Variants in KCTD16 observed in about 807,000 individuals in gnomAD.
KCTD16 encodes the protein BTB/POZ domain-containing protein KCTD16.
KCTD16 carries 13 observed loss-of-function variants against 33.2 expected under a neutral mutation model. That is an observed-to-expected ratio of 0.39 (90% CI 0.25 to 0.62). The LOEUF is 0.62. Ranked by LOEUF, KCTD16 falls within the 20% of genes least tolerant of loss-of-function variation. The pLI is 0.50. For missense variants in KCTD16, 441 were observed against 525.1 expected (o/e 0.84, Z 1.57); for synonymous variants, 197 against 195.3 (o/e 1.01, Z -0.07).
chr5:144,319,606 T>C (rs1424829400), intron 3 of KCTD16, among the ~76,000 whole-genome samples: 1 of 152,228 alleles, frequency 6.6e-6, no homozygotes, highest in Non-Finnish European at 1.5e-5. Flanking sequence ...TTTGGTTCCT[T>C]CTTTTGTCTT....
intron 3 of KCTD16, among the ~76,000 whole-genome samples, chr5:144,322,354 A>G (rs1383113716): frequency 6.6e-6 from 1 of 152,178 alleles, no homozygotes; most frequent in African/African-American, 2.4e-5. Context: ...TTTGGTATAA[A>G]GATGACATGT....
chr5:144,285,772 T>C (rs895148855), intron 3 of KCTD16, among the ~76,000 whole-genome samples: 2 of 152,184 alleles, frequency 1.3e-5, no homozygotes, highest in Admixed American at 1.3e-4. Context: ...AATGATGGTA[T>C]TTTGTGATTG....
At chr5:144,369,096 A>T (rs1360077475) in intron 3 of KCTD16, among the ~76,000 whole-genome samples, 1 of 152,106 alleles carries the variant, frequency 6.6e-6, no homozygotes. Flanking sequence ...GCTTTGTGTG[A>T]GAGAGAAAAG....
At chr5:144,172,953 G>A (rs935186120) in intron 1 of KCTD16, among the ~76,000 whole-genome samples, 4 of 152,060 alleles carry the variant, frequency 2.6e-5, no homozygotes, top group African/African-American at 7.2e-5. Context: ...TGAGCTACAA[G>A]AATATGAGCA....
intron 3 of KCTD16, among the ~76,000 whole-genome samples, chr5:144,327,534 T>G (rs1228907363): frequency 6.6e-6 from 1 of 152,172 alleles, no homozygotes; most frequent in Non-Finnish European, 1.5e-5. Flanking sequence ...TAATTTTATT[T>G]GATGTTTTTA....
chr5:144,461,160 C>T (rs1302588235), intron 3 of KCTD16, among the ~76,000 whole-genome samples: 2 of 152,112 alleles, frequency 1.3e-5, no homozygotes, highest in Non-Finnish European at 2.9e-5. Context: ...TTCCACCGGG[C>T]TGCTCTATAT....
At position 144,291,008 on chromosome 5, in the gene KCTD16, A is replaced by C. The variant is rs540251841; in HGVS notation, c.832+83462A>C. Among the ~76,000 whole-genome samples the C allele has an allele frequency of 9.8e-5, 15 of 152,356 alleles. No individual in the cohort carries two copies. In the East Asian group the frequency reaches 2.1e-3, roughly 22 times the overall value. On this transcript the variant is annotated intron_variant, in intron 3 of 3. Transcript: ENST00000512467. ...AGTGCAAGACGTTAAAATAATCCAG[A>C]AAAAGAGAAAGAGAATGGTGACCAT...
chr5:144,472,049 G>A (rs1345790225), intron 3 of KCTD16, among the ~76,000 whole-genome samples: 1 of 152,158 alleles, frequency 6.6e-6, no homozygotes, highest in Non-Finnish European at 1.5e-5. Flanking sequence ...TTCATTCTAA[G>A]TTTTCTCTAC....
intron 3 of KCTD16, among the ~76,000 whole-genome samples, chr5:144,280,390 T>C (rs1755565054): frequency 6.6e-6 from 1 of 152,352 alleles, no homozygotes; most frequent in South Asian, 2.1e-4. Context: ...CTACTGTGTC[T>C]AGAGTAAGTT....
Position 144,479,081 on chromosome 5 carries a change from G to A in KCTD16, c.*4967G>A, listed in dbSNP as rs1226282859. On this transcript the variant is annotated 3_prime_UTR_variant, in exon 4 of 4. Coordinates refer to ENST00000512467, the MANE Select transcript of KCTD16 (RefSeq NM_020768.4). ...CCCAAGGAGAGTTGTTTATTTCTAG[G>A]CCCTTACTTAGTATGAGTGGGAGGA... 1 of 151,882 alleles carries A rather than the reference G, an allele frequency of 6.6e-6. No individual in the cohort carries two copies. Among genetic ancestry groups the A allele is most frequent in the Non-Finnish European group, 1.5e-5 (1 of 67,908 alleles). 9.4% of individuals were successfully genotyped at this position (151,882 alleles called of 1,614,324 possible).
chr5:144,254,192 C>T (rs1754780916), intron 3 of KCTD16, among the ~76,000 whole-genome samples: 1 of 151,890 alleles, frequency 6.6e-6, no homozygotes, highest in African/African-American at 2.4e-5. Flanking sequence ...GGCTGTCGTG[C>T]AGTGGCGCGA....
chr5:144,325,886 A>G (rs1752193228), intron 3 of KCTD16, among the ~76,000 whole-genome samples: 2 of 152,142 alleles, frequency 1.3e-5, no homozygotes, highest in South Asian at 2.1e-4. Context: ...CAGAGTAGGC[A>G]TTTAATAAAA....
intron 3 of KCTD16, among the ~76,000 whole-genome samples, chr5:144,415,253 C>G (rs1753021509): frequency 6.6e-6 from 1 of 152,052 alleles, no homozygotes; most frequent in Non-Finnish European, 1.5e-5. Flanking sequence ...GGATAGTGCC[C>G]CCATGAACCA....
At chr5:144,230,137 G>A (rs563917638) in intron 3 of KCTD16, among the ~76,000 whole-genome samples, 6 of 152,240 alleles carry the variant, frequency 3.9e-5, no homozygotes, top group African/African-American at 9.6e-5. Flanking sequence ...GCAAGACTCT[G>A]CTTCAAAAAA....
At chr5:144,473,278 C>T (rs1754517917) in intron 3 of KCTD16, among the ~76,000 whole-genome samples, 1 of 152,154 alleles carries the variant, frequency 6.6e-6, no homozygotes, top group South Asian at 2.1e-4. Context: ...TTATCTAACT[C>T]CTTCCTATAA....
chr5:144,299,898 TAA>T (rs66821172), intron 3 of KCTD16, among the ~76,000 whole-genome samples: 64 of 128,862 alleles, frequency 5.0e-4, no homozygotes, highest in Middle Eastern at 4.1e-3. Flanking sequence ...CAGAATCATT[TAA>T]AAAAAAAAAA....
intron 3 of KCTD16, among the ~76,000 whole-genome samples, chr5:144,310,206 C>T (rs530965553): frequency 6.6e-6 from 1 of 152,248 alleles, no homozygotes; most frequent in Non-Finnish European, 1.5e-5. Flanking sequence ...CCAATTCCAT[C>T]CATGTTGCTA....
chr5:144,457,471 A>C (rs534278958), intron 3 of KCTD16, among the ~76,000 whole-genome samples: 2 of 152,164 alleles, frequency 1.3e-5, no homozygotes, highest in East Asian at 3.9e-4. Flanking sequence ...TTAAGGGAGG[A>C]GGGGGATTGG....
chr5:144,248,473 G>A (rs1197743758), intron 3 of KCTD16, among the ~76,000 whole-genome samples: 2 of 152,166 alleles, frequency 1.3e-5, no homozygotes, highest in African/African-American at 4.8e-5. Flanking sequence ...GACATTGTGA[G>A]GAATTTGATT....
Sources: allele counts gnomAD v4.1 joint callset (sites outside exome capture counted in the v4.1 genomes callset), GRCh38; gene constraint gnomAD v4.1.1; transcripts MANE v1.5; gene names NCBI Gene and HGNC (gene_info 2026-07-23, HGNC 2026-07-21).